The following MYO18B variants were observed in gnomAD, a reference collection of about 807,000 sequenced individuals.
MYO18B encodes the protein unconventional myosin-XVIIIb.
Under a neutral mutation model 273.0 loss-of-function variants are expected in MYO18B, and 204 were observed. The ratio of observed to expected loss-of-function variants is 0.75; its 90% CI spans 0.67 to 0.84. The LOEUF is 0.84. Among genes scored for constraint, MYO18B ranks in the 40% least tolerant of loss-of-function variants. The pLI, the probability that MYO18B is intolerant of heterozygous loss-of-function variation, is 0.00. For synonymous variants in MYO18B, 1,330 were observed against 1,305.7 expected, an observed-to-expected ratio of 1.02 and a Z score of -0.40; for missense variants, 3,212 against 3,287.6, an observed-to-expected ratio of 0.98 and a Z score of 0.56.
Position 25,760,852 on chromosome 22 carries a change from A to G in MYO18B, c.-109-132A>G, listed in dbSNP as rs889215642. On this transcript the variant is annotated intron_variant, in intron 1 of 43. Coordinates refer to ENST00000335473, the MANE Select transcript of MYO18B (RefSeq NM_032608.7). ...CATCCTCCTTGCAGAGGTAGCTGAC[A>G]GTGTCTGTACCTGACTGTGCCCATT... 3.0e-5 allele frequency: 17 copies of G among 566,812 alleles called. 1 individual carries two copies. Among genetic ancestry groups the G allele is most frequent in the African/African-American group, 2.3e-4 (12 of 53,260 alleles). 35.1% of individuals were successfully genotyped at this position (566,812 alleles called of 1,614,324 possible). A position where few individuals can be genotyped will look rare whatever the true frequency, so the allele number is the denominator to read the frequency against.
intron 16 of MYO18B, 60 bp from the exon 17 acceptor site, chr22:25,835,236 C>T (rs2089853694): frequency 1.3e-6 from 2 of 1,558,198 alleles, no homozygotes; most frequent in Non-Finnish European, 1.7e-6. Flanking sequence ...GGAAGAGAAG[C>T]CCAAGACAGG....
In MYO18B at chr22:25,853,338, T is replaced by C. The variant is rs368897528; in HGVS notation, c.3885+1759T>C. On this transcript the variant is annotated intron_variant, in intron 21 of 43. Transcript: ENST00000335473. ...TCTTAGGTGTCTTCTTAGTTCTTCT[T>C]TGCAGTGGGTACCAGGGCACAGGCC... 2.6e-5 allele frequency among the ~76,000 whole-genome samples: 4 copies of C among 152,230 alleles called. No individual in the cohort carries two copies. The East Asian group carries it at 7.7e-4, about 29-fold the overall frequency.
intron 34 of MYO18B, among the ~76,000 whole-genome samples, chr22:25,940,287 G>A (rs1204834736): frequency 4.5e-5 from 2 of 44,530 alleles, no homozygotes; most frequent in Admixed American, 1.4e-4. Context: ...TAAGTCTCAC[G>A]AGATCTGGTT....
At chr22:25,989,176 T>C (rs938153393) in intron 39 of MYO18B, among the ~76,000 whole-genome samples, 1 of 152,104 alleles carries the variant, frequency 6.6e-6, no homozygotes, top group African/African-American at 2.4e-5. Context: ...TGTACCCTTT[T>C]CTCATGTCTC....
chr22:25,962,839 C>T (rs904012837), intron 39 of MYO18B, among the ~76,000 whole-genome samples: 1 of 152,212 alleles, frequency 6.6e-6, no homozygotes, highest in African/African-American at 2.4e-5. Context: ...ACATCTCTCA[C>T]TTGCATTCAG....
Position 25,778,267 on chromosome 22 carries a change from T to A in MYO18B, c.2068+486T>A, listed in dbSNP as rs2086995690. Among the ~76,000 whole-genome samples the A allele has an allele frequency of 2.9e-5, 4 of 139,346 alleles. No homozygotes were observed. In the South Asian group the frequency reaches 6.6e-4, roughly 23 times the overall value. 91.4% of individuals were successfully genotyped at this position (139,346 alleles called of 152,430 possible). A position where few individuals can be genotyped will look rare whatever the true frequency, so the allele number is the denominator to read the frequency against. On this transcript the variant is annotated intron_variant, in intron 8 of 43. Transcript: ENST00000335473. The stretch of plus-strand genomic sequence containing the variant: ...ACTGTACCTACGTTCAAAACTTGAA[T>A]GTTCTTCAAAAAGTGCTGGCAGGGC...
intron 1 of MYO18B, among the ~76,000 whole-genome samples, chr22:25,760,407 A>G (rs1271189110): frequency 1.2e-5 from 1 of 85,934 alleles, no homozygotes; most frequent in Admixed American, 1.3e-4. Context: ...GCAAGACTCC[A>G]TCTCAAAAAA....
the MYO18B span, among the ~76,000 whole-genome samples, chr22:26,059,159 A>G: frequency 1.3e-5 from 2 of 152,240 alleles, no homozygotes; most frequent in Non-Finnish European, 2.9e-5. Context: ...TCTGACTCCC[A>G]GAAGTGGTGA....
At chr22:25,792,499 T>TTTTTC (rs2087718202) in intron 11 of MYO18B, among the ~76,000 whole-genome samples, 7 of 124,596 alleles carry the variant, frequency 5.6e-5, no homozygotes, top group East Asian at 2.4e-4. Flanking sequence ...TTTCTTTTCT[T>TTTTTC]TTTTTTTTTT....
rs745998234 is a variant in MYO18B, at chr22:25,990,686, C to CAAAAAAAAAAAAAAAAAAAAAAA, written c.6157-1665_6157-1643dup. ...TGTGCAACAGAGCAAGACTTTGTCT[C>CAAAAAAAAAAAAAAAAAAAAAAA]AAAAAAAAAAAAAAAAAAAAAAAAA... On this transcript the variant is annotated intron_variant, in intron 39 of 43. Transcript: ENST00000335473. Among the ~76,000 whole-genome samples the CAAAAAAAAAAAAAAAAAAAAAAA allele has an allele frequency of 1.1e-4, 3 of 27,042 alleles. 1 individual carries two copies. The highest frequency in any genetic ancestry group is 1.9e-4 in the Non-Finnish European group (3 of 15,874). The allele number at this position is 27,042 out of a possible 152,430, so 17.7% of individuals were successfully genotyped here.
intron 1 of MYO18B, among the ~76,000 whole-genome samples, chr22:25,745,711 AC>A (rs133855): frequency 0.42 from 64,322 of 151,978 alleles, 16,673 homozygotes; most frequent in African/African-American, 0.74. Context: ...AAGTGAGTTT[AC>A]CCCTTGGCCA....
chr22:25,972,102 G>A (rs1038528921), intron 39 of MYO18B, among the ~76,000 whole-genome samples: 1 of 150,136 alleles, frequency 6.7e-6, no homozygotes, highest in African/African-American at 2.5e-5. Context: ...GTGACAGAGT[G>A]AGACTGTCTC....
intron 10 of MYO18B, 121 bp from the exon 11 acceptor site, chr22:25,785,301 CCAGGGA>C: frequency 2.5e-6 from 2 of 797,372 alleles, no homozygotes; most frequent in Non-Finnish European, 4.1e-6. Flanking sequence ...GGGGCCAAGG[CCAGGGA>C]CAGGGACAGC....
chr22:25,948,005 C>T (rs1393039878), intron 36 of MYO18B, among the ~76,000 whole-genome samples, 177 bp downstream of exon 36: 1 of 152,152 alleles, frequency 6.6e-6, no homozygotes, highest in Non-Finnish European at 1.5e-5. Flanking sequence ...ACAATGTCAC[C>T]TTCAGATGGT....
In MYO18B at chr22:25,902,522, C is replaced by A. The variant is rs909485057; in HGVS notation, c.4824-91C>A. The A allele has an allele frequency of 2.9e-6, 4 of 1,380,762 alleles. No homozygotes were observed. The South Asian group carries it at 4.4e-5, about 15-fold the overall frequency. The allele number at this position is 1,380,762 out of a possible 1,614,324, so 85.5% of individuals were successfully genotyped here. ...TTTCTAATGGTTCTTGGGAAACTAGCGGCCTCTCTGCAGCCCCTCCCTGCC... is the reference window on the plus strand; with the variant it reads ...TTTCTAATGGTTCTTGGGAAACTAGAGGCCTCTCTGCAGCCCCTCCCTGCC... On this transcript the variant is annotated intron_variant, in intron 29 of 43. Coordinates refer to ENST00000335473, the MANE Select transcript of MYO18B (RefSeq NM_032608.7).
At chr22:25,913,078 A>T (rs1057363547) in intron 33 of MYO18B, among the ~76,000 whole-genome samples, 2 of 152,178 alleles carry the variant, frequency 1.3e-5, no homozygotes, top group Non-Finnish European at 2.9e-5. Flanking sequence ...CACTGTGCAC[A>T]CGGGCGAGTG....
intron 23 of MYO18B, among the ~76,000 whole-genome samples, chr22:25,875,273 G>A (rs695377): frequency 0.016 from 2,373 of 152,330 alleles, 66 homozygotes; most frequent in African/African-American, 0.053. Flanking sequence ...GAAGCTGGGT[G>A]ACACTGGGCA....
chr22:25,858,501 C>T (rs2090639079), intron 21 of MYO18B, among the ~76,000 whole-genome samples: 1 of 152,200 alleles, frequency 6.6e-6, no homozygotes, highest in South Asian at 2.1e-4. Flanking sequence ...TTCATTATTT[C>T]TGGAGTCTCT....
rs543074602 is a variant in MYO18B at position 25,860,751 on chromosome 22, C to T, written c.3886-7569C>T. Among the ~76,000 whole-genome samples the T allele has an allele frequency of 5.3e-5, 8 of 151,976 alleles. No homozygotes were observed. In the East Asian group the frequency reaches 1.5e-3, roughly 29 times the overall value. On this transcript the variant is annotated intron_variant, in intron 21 of 43. Transcript: ENST00000335473. ...TGTTTTATTGAGACTTATTTTGTGGCCTAATATTATATATCTAGGAGAGTG... is the reference window on the plus strand; with the variant it reads ...TGTTTTATTGAGACTTATTTTGTGGTCTAATATTATATATCTAGGAGAGTG...
Sources: allele counts gnomAD v4.1 joint callset (sites outside exome capture counted in the v4.1 genomes callset), GRCh38; gene constraint gnomAD v4.1.1; transcripts MANE v1.5; gene names NCBI Gene and HGNC (gene_info 2026-07-23, HGNC 2026-07-21).